CUL9: variants seen among roughly 807,000 people sequenced by gnomAD.
The protein encoded by CUL9 is cullin-9.
Under a neutral mutation model 272.6 loss-of-function variants are expected in CUL9, and 79 were observed. The ratio of observed to expected loss-of-function variants is 0.29; its 90% CI spans 0.24 to 0.35. The LOEUF is 0.35. Among genes scored for constraint, CUL9 ranks in the 10% least tolerant of loss-of-function variants. CUL9 has a pLI of 1.00. For synonymous variants in CUL9, 1,186 were observed against 1,286.5 expected (o/e 0.92, Z 1.67); for missense variants, 2,532 against 3,255.6 (o/e 0.78, Z 5.41).
chr6:43,203,530 G>A lies in CUL9; in HGVS notation c.3963G>A (p.Arg1321=), dbSNP rs1451858821. The A allele has an allele frequency of 6.2e-7, 1 of 1,613,974 alleles. No homozygotes were observed. The highest frequency in any genetic ancestry group is 8.5e-7 in the Non-Finnish European group (1 of 1,180,038). Residue 1321 remains arginine (R), a synonymous_variant, in exon 19 of 41, where the codon CGG becomes CGA. Transcript: ENST00000252050. This position sits in a 1 kb window ranked among gnomAD's most constrained non-coding sequence, Gnocchi z 5.0. ...CRRTCLFYTI[R]AQAWSRDIAE... ...GAACATGTCTCTTCTACACAATTCG[G>A]GCACAAGCCTGGAGCCGGGACATAG...
At chr6:43,222,947 G>A in intron 38 of CUL9, 51 bp downstream of exon 38, 1 of 1,486,784 alleles carries the variant, frequency 6.7e-7, no homozygotes, top group South Asian at 1.1e-5. Context: ...CCCCTCTGTT[G>A]CACAGCCCGG....
chr6:43,202,698 T>C lies in CUL9; in HGVS notation c.3648-18T>C, dbSNP rs1321003726. On this transcript the variant is annotated intron_variant, in intron 16 of 40. Transcript: ENST00000252050. ...GTCCAGAGGCCCAGCTTTGACTGTT[T>C]CCTTTCTTCTTTCCCAGGCAGCTCA... 6.2e-7 allele frequency: 1 copy of C among 1,611,526 alleles called. No individual in the cohort carries two copies.
In CUL9 at chr6:43,199,222, C is replaced by T; in HGVS notation, c.3051-44C>T. ...AAGTGCTGGGATTACAGGCATGAGC[C>T]ACTGTGCCTGGCCTGACTTCACTCG... On this transcript the variant is annotated intron_variant, in intron 12 of 40. Transcript: ENST00000252050. The surrounding 1 kb of genome is among the most constrained non-coding windows in gnomAD (Gnocchi z 4.4). 3 of 1,483,184 alleles carry T rather than the reference C, an allele frequency of 2.0e-6. No individual in the cohort carries two copies. Among genetic ancestry groups the T allele is most frequent in the Non-Finnish European group, 1.9e-6 (2 of 1,062,804 alleles). The allele number at this position is 1,483,184 out of a possible 1,614,324, so 91.9% of individuals were successfully genotyped here.
rs769150948 is a variant in CUL9 at position 43,188,710 on chromosome 6, G to A, written c.2175G>A (p.Ser725=). 6.2e-6 allele frequency: 10 copies of A among 1,607,344 alleles called. No homozygotes were observed. The highest frequency in any genetic ancestry group is 1.7e-5 in the Admixed American group (1 of 58,578). Residue 725 remains serine (S), a synonymous_variant, in exon 8 of 41, where the codon TCG becomes TCA. Coordinates refer to ENST00000252050, the MANE Select transcript of CUL9 (RefSeq NM_015089.4). The part of the protein sequence containing the change: ...RDHPLVRPDR[S]LREKLVKMLV... The stretch of plus-strand genomic sequence containing the variant: ...ACCCTCTGGTCCGTCCTGACAGATC[G>A]CTGAGGTTAGCATACTGGGGAGGGA...
chr6:43,214,706 C>T (rs371962682), intron 29 of CUL9, among the ~76,000 whole-genome samples: 268 of 151,166 alleles, frequency 1.8e-3, no homozygotes, highest in African/African-American at 5.2e-3. Flanking sequence ...GAGGCTGAGG[C>T]GGTAGAATCA....
At position 43,184,200 on chromosome 6, in the gene CUL9, T is replaced by C; in HGVS notation, c.-9-102T>C. 1 of 858,620 alleles carries C rather than the reference T, an allele frequency of 1.2e-6. No individual in the cohort carries two copies. The highest frequency in any genetic ancestry group is 2.9e-5 in the East Asian group (1 of 34,156). The allele number at this position is 858,620 out of a possible 1,614,324, so 53.2% of individuals were successfully genotyped here. On this transcript the variant is annotated intron_variant, in intron 1 of 40. Coordinates refer to ENST00000252050, the MANE Select transcript of CUL9 (RefSeq NM_015089.4). The surrounding 1 kb of genome is among the most constrained non-coding windows in gnomAD (Gnocchi z 4.8). ...GCCTCCTAAATTCTACCATGCAGCCTACCGATCACCACCCACCTTCTCTGT... is the reference window on the plus strand; with the variant it reads ...GCCTCCTAAATTCTACCATGCAGCCCACCGATCACCACCCACCTTCTCTGT...
At chr6:43,209,987 TA>T (rs1775345348) in intron 26 of CUL9, among the ~76,000 whole-genome samples, 1 of 152,060 alleles carries the variant, frequency 6.6e-6, no homozygotes, top group Non-Finnish European at 1.5e-5. Flanking sequence ...ATTTTTTATT[TA>T]TTTTTTTGAG....
Position 43,200,800 on chromosome 6 carries a change from A to G in CUL9, c.3613A>G (p.Ile1205Val), listed in dbSNP as rs1041459396. 1.2e-6 allele frequency: 2 copies of G among 1,614,022 alleles called. No homozygotes were observed. The highest frequency in any genetic ancestry group is 1.3e-5 in the African/African-American group (1 of 74,900). ...ESNGSTGSHYITLHMHRGVLV... is the reference protein window; with the variant it reads ...ESNGSTGSHYVTLHMHRGVLV... ...CAACGGCAGCACCGGCTCCCACTAC[A>G]TCACCCTGCACATGCACCGTGGTGT... The change falls in exon 16 of 41, where the codon ATC (isoleucine) becomes GTC (valine). Residue 1205 changes from isoleucine to valine, a missense_variant. By Grantham distance (29) the Ile-to-Val change is conservative. Transcript: ENST00000252050. The surrounding 1 kb of genome is among the most constrained non-coding windows in gnomAD (Gnocchi z 4.0).
rs767075887 is a variant in CUL9 at position 43,204,734 on chromosome 6, C to T, written c.4340-14C>T. The T allele has an allele frequency of 5.0e-6, 8 of 1,613,284 alleles. No homozygotes were observed. The East Asian group carries it at 8.9e-5, about 18-fold the overall frequency. The stretch of plus-strand genomic sequence containing the variant: ...CTGAGATGAAACCCCTTCCTTCTCC[C>T]TCTGTCTCTACAGTCAGCAAGAACA... On this transcript the variant is annotated splice_polypyrimidine_tract_variant and intron_variant, in intron 21 of 40. Transcript: ENST00000252050.
At chr6:43,194,415 T>C (rs566437357) in intron 9 of CUL9, among the ~76,000 whole-genome samples, 115 of 151,492 alleles carry the variant, frequency 7.6e-4, no homozygotes, top group African/African-American at 2.7e-3. Context: ...GCCTCCCGAG[T>C]TCAAGCGATT....
chr6:43,184,437 A>G lies in CUL9; in HGVS notation c.127A>G (p.Ser43Gly). 2.5e-6 allele frequency: 4 copies of G among 1,613,748 alleles called. No homozygotes were observed. Among genetic ancestry groups the G allele is most frequent in the Non-Finnish European group, 3.4e-6 (4 of 1,179,836 alleles). The stretch of plus-strand genomic sequence containing the variant: ...GCATCCTGAATACCTGATCCGATGG[A>G]GTGTCCTGAAGTGTGGGGAAGTGGG... ...DGHPEYLIRWSVLKCGEVGKV... is the reference protein window; with the variant it reads ...DGHPEYLIRWGVLKCGEVGKV... Residue 43 changes from serine (S) to glycine (G), a missense_variant, in exon 2 of 41, where the codon AGT (serine) becomes GGT (glycine). Transcript: ENST00000252050. The surrounding 1 kb of genome is among the most constrained non-coding windows in gnomAD (Gnocchi z 4.8).
rs773316265 is a variant in CUL9 at position 43,224,061 on chromosome 6, A to G, written c.7285-34A>G. ...TGGGTCCAAAGGCCCCATGCCCTCT[A>G]CCTCCTTCTCAAATCCTTCTGTCTG... On this transcript the variant is annotated intron_variant, in intron 39 of 40. Coordinates refer to ENST00000252050, the MANE Select transcript of CUL9 (RefSeq NM_015089.4). The surrounding 1 kb of genome is among the most constrained non-coding windows in gnomAD (Gnocchi z 4.2). The G allele has an allele frequency of 2.1e-5, 34 of 1,607,868 alleles. No homozygotes were observed. The highest frequency in any genetic ancestry group is 2.6e-5 in the Non-Finnish European group (31 of 1,174,556).
intron 31 of CUL9, among the ~76,000 whole-genome samples, chr6:43,219,190 A>G (rs1043891695): frequency 2.0e-5 from 3 of 150,016 alleles, no homozygotes; most frequent in Non-Finnish European, 4.5e-5. Context: ...CTTTGTTTAA[A>G]AGAGAGAGAG....
At position 43,184,765 on chromosome 6, in the gene CUL9, A is replaced by C; in HGVS notation, c.455A>C (p.Tyr152Ser). Residue 152 changes from tyrosine (Y) to serine (S), a missense_variant, in exon 2 of 41, where the codon TAC becomes TCC. By Grantham distance (144) the Tyr-to-Ser change is moderately radical. Transcript: ENST00000252050. The surrounding 1 kb of genome is among the most constrained non-coding windows in gnomAD (Gnocchi z 4.8). ...VLHTIHVLSAYASIGPLTGVF... is the reference protein window; with the variant it reads ...VLHTIHVLSASASIGPLTGVF... ...CACACCATCCACGTGCTCAGTGCCT[A>C]CGCCAGCATCGGGCCCCTCACTGGT... 6.2e-7 allele frequency: 1 copy of C among 1,614,198 alleles called. No homozygotes were observed. Among genetic ancestry groups the C allele is most frequent in the Non-Finnish European group, 8.5e-7 (1 of 1,180,042 alleles).
intron 8 of CUL9, among the ~76,000 whole-genome samples, chr6:43,189,115 C>CT (rs1260906858): frequency 1.3e-5 from 2 of 148,524 alleles, no homozygotes; most frequent in Admixed American, 1.3e-4. Flanking sequence ...CTTTCTTTTT[C>CT]TTTTTTTTCT....
At chr6:43,207,181 G>C (rs1237548198) in intron 26 of CUL9, among the ~76,000 whole-genome samples, 1 of 152,070 alleles carries the variant, frequency 6.6e-6, no homozygotes, top group South Asian at 2.1e-4. Flanking sequence ...TAATTATAAG[G>C]CTTCATGAAT....
At chr6:43,205,954 TG>T in intron 24 of CUL9, 52 bp from the exon 25 acceptor site, 1 of 1,538,044 alleles carries the variant, frequency 6.5e-7, no homozygotes, top group Non-Finnish European at 8.9e-7. Context: ...AGGGGGAGGC[TG>T]GGCCACGCTG....
rs559217475 is a variant in CUL9, at chr6:43,221,628, T to A, written c.6753-57T>A. 6.2e-4 allele frequency: 944 copies of A among 1,523,536 alleles called. 2 individuals are homozygous for A. In the African/African-American group the frequency reaches 0.011, roughly 18 times the overall value. The allele number at this position is 1,523,536 out of a possible 1,614,324, so 94.4% of individuals were successfully genotyped here. On this transcript the variant is annotated intron_variant, in intron 34 of 40. Coordinates refer to ENST00000252050, the MANE Select transcript of CUL9 (RefSeq NM_015089.4). The surrounding 1 kb of genome is among the most constrained non-coding windows in gnomAD (Gnocchi z 4.2). ...AGCGGTACATCTGGGCCCTTGGCAT[T>A]CCTGGCACACCCCTGCCCAGAGGCA...
rs550169237 is a variant in CUL9, at chr6:43,221,019, C to T, written c.6588+108C>T. The T allele has an allele frequency of 2.0e-6, 3 of 1,472,844 alleles. No individual in the cohort carries two copies. Among genetic ancestry groups the T allele is most frequent in the East Asian group, 4.9e-5 (2 of 40,508 alleles). The allele number at this position is 1,472,844 out of a possible 1,614,324, so 91.2% of individuals were successfully genotyped here. ...AGACTGTGACTTGTCCTTCCTCAGC[C>T]TCTGCCACCCAGTTGAGCTCTGTTC... On this transcript the variant is annotated intron_variant, in intron 33 of 40. Transcript: ENST00000252050. This position sits in a 1 kb window ranked among gnomAD's most constrained non-coding sequence, Gnocchi z 4.2.
Sources: allele counts gnomAD v4.1 joint callset (sites outside exome capture counted in the v4.1 genomes callset), GRCh38; gene constraint gnomAD v4.1.1; non-coding constraint Gnocchi (gnomAD v3.1); transcripts MANE v1.5; gene names NCBI Gene and HGNC (gene_info 2026-07-23, HGNC 2026-07-21).